Variants in CCAR1 observed in about 807,000 individuals in gnomAD.
The protein encoded by CCAR1 is cell division cycle and apoptosis regulator 1.
In CCAR1, 78 loss-of-function variants were observed where a neutral mutation model predicts 163.8. The observed-to-expected ratio is 0.48, with a 90% CI of 0.40 to 0.57. CCAR1 has a LOEUF of 0.57. CCAR1 is among the 20% of genes least tolerant of loss of function. The pLI, the probability that CCAR1 is intolerant of heterozygous loss-of-function variation, is 0.00. For synonymous variants in CCAR1, 443 were observed against 460.7 expected, an observed-to-expected ratio of 0.96 and a Z score of 0.49; for missense variants, 1,019 against 1,365.2, an observed-to-expected ratio of 0.75 and a Z score of 4.00.
At chr10:68,750,565 G>A (rs181395837) in intron 10 of CCAR1, among the ~76,000 whole-genome samples, 10 of 152,244 alleles carry the variant, frequency 6.6e-5, no homozygotes, top group Non-Finnish European at 1.2e-4. Flanking sequence ...CAAAACAAAG[G>A]TAATATTAAC....
At chr10:68,740,888 TTTATTTA>T (rs2056174557) in intron 5 of CCAR1, among the ~76,000 whole-genome samples, 2 of 116,384 alleles carry the variant, frequency 1.7e-5, no homozygotes, top group Non-Finnish European at 3.6e-5. Flanking sequence ...TTTTATTTTA[TTTATTTA>T]TTTATTTATT....
intron 1 of CCAR1, among the ~76,000 whole-genome samples, chr10:68,722,023 G>A (rs2055866593): frequency 6.6e-6 from 1 of 152,092 alleles, no homozygotes; most frequent in Admixed American, 6.6e-5. Flanking sequence ...CTGTGATGGG[G>A]GTCTTGTCCC....
chr10:68,790,974 A>G (rs2056846311), intron 24 of CCAR1, among the ~76,000 whole-genome samples: 1 of 148,794 alleles, frequency 6.7e-6, no homozygotes, highest in Non-Finnish European at 1.5e-5. Context: ...CTGAGATTAC[A>G]GTCATGAGCC....
At chr10:68,786,239 T>G (rs1266998143) in intron 20 of CCAR1, 21 bp downstream of exon 20, 2 of 1,457,228 alleles carry the variant, frequency 1.4e-6, no homozygotes, top group Non-Finnish European at 1.9e-6. Flanking sequence ...AATACTGTAT[T>G]CTTTATAATA....
chr10:68,723,043 C>G (rs10998401), intron 2 of CCAR1, among the ~76,000 whole-genome samples: 5,686 of 152,074 alleles, frequency 0.037, 280 homozygotes, highest in East Asian at 0.25. Flanking sequence ...CATAGATCAA[C>G]TAACAAGCTG....
At chr10:68,778,180 C>T (rs575368945) in intron 19 of CCAR1, among the ~76,000 whole-genome samples, 5 of 152,246 alleles carry the variant, frequency 3.3e-5, no homozygotes, top group African/African-American at 9.6e-5. Flanking sequence ...TGTGCCACTA[C>T]GTTCCAGCCT....
chr10:68,782,701 G>A (rs1409471707), intron 19 of CCAR1, among the ~76,000 whole-genome samples: 3 of 152,082 alleles, frequency 2.0e-5, no homozygotes, highest in African/African-American at 4.8e-5. Flanking sequence ...TAAAAATTAT[G>A]CTAAACCTAC....
chr10:68,774,740 C>T (rs139420282), intron 19 of CCAR1, among the ~76,000 whole-genome samples: 6 of 152,120 alleles, frequency 3.9e-5, no homozygotes, highest in Non-Finnish European at 7.4e-5. Flanking sequence ...ATATACCTTT[C>T]GCCTAAGTTT....
intron 4 of CCAR1, among the ~76,000 whole-genome samples, chr10:68,739,109 TAC>T (rs1157308988): frequency 2.0e-5 from 3 of 152,194 alleles, no homozygotes; most frequent in Admixed American, 6.5e-5. Context: ...CTTGCTGAAA[TAC>T]AGATATGCTT....
At chr10:68,778,062 C>G (rs1249645308) in intron 19 of CCAR1, among the ~76,000 whole-genome samples, 4 of 151,564 alleles carry the variant, frequency 2.6e-5, no homozygotes, top group African/African-American at 9.7e-5. Flanking sequence ...GCTAAAAATA[C>G]AAAATTAGCT....
At chr10:68,723,288 A>ATTT (rs71474434) in intron 2 of CCAR1, among the ~76,000 whole-genome samples, 13 of 138,498 alleles carry the variant, frequency 9.4e-5, no homozygotes, top group South Asian at 4.7e-4. Flanking sequence ...CGCCCGGCTA[A>ATTT]TTTTTTTTTT....
intron 2 of CCAR1, among the ~76,000 whole-genome samples, chr10:68,728,445 A>C (rs2133302610): frequency 6.6e-6 from 1 of 151,906 alleles, no homozygotes; most frequent in Admixed American, 6.6e-5. Context: ...TTCTGCCTTC[A>C]AGGGATCACT....
At chr10:68,722,003 C>G (rs1589148304) in intron 1 of CCAR1, among the ~76,000 whole-genome samples, 1 of 152,102 alleles carries the variant, frequency 6.6e-6, no homozygotes, top group African/African-American at 2.4e-5. Context: ...TAAATGATAT[C>G]TTTAAATACC....
Position 68,788,009 on chromosome 10 carries a change from A to G in CCAR1, c.2963A>G (p.Asn988Ser), listed in dbSNP as rs2133438809. 1 of 1,612,712 alleles carries G rather than the reference A, an allele frequency of 6.2e-7. No individual in the cohort carries two copies. Among genetic ancestry groups the G allele is most frequent in the East Asian group, 2.2e-5 (1 of 44,826 alleles). ...ACAGACACCTCAAAAGATGAAGAGA[A>G]CCATGAAGAGTCTGAGTCATTGCAG... ...KLTDTSKDEE[N>S]HEESESLQED... The change falls in exon 22 of 25, where the codon AAC (asparagine) becomes AGC (serine). Residue 988 changes from asparagine (N) to serine (S), a missense_variant. By Grantham distance (46) the Asn-to-Ser change is conservative. Coordinates refer to ENST00000265872, the MANE Select transcript of CCAR1 (RefSeq NM_018237.4).
At chr10:68,744,000 C>T (rs1169958903) in intron 6 of CCAR1, among the ~76,000 whole-genome samples, 2 of 152,106 alleles carry the variant, frequency 1.3e-5, no homozygotes, top group Non-Finnish European at 2.9e-5. Context: ...CCACCTGCCT[C>T]GGCCTCCTAA....
At position 68,765,845 on chromosome 10, in the gene CCAR1, C is replaced by T. The variant is rs1336286042; in HGVS notation, c.2107-43C>T. ...TTCATCTTGCACATGTATATACATC[C>T]TACTTGCAGATTTAACCTTGACTTG... On this transcript the variant is annotated intron_variant, in intron 16 of 24. Coordinates refer to ENST00000265872, the MANE Select transcript of CCAR1 (RefSeq NM_018237.4). 2 of 1,387,206 alleles carry T rather than the reference C, an allele frequency of 1.4e-6. 1 individual carries two copies. Among genetic ancestry groups the T allele is most frequent in the South Asian group, 2.5e-5 (2 of 81,622 alleles). 85.9% of individuals were successfully genotyped at this position (1,387,206 alleles called of 1,614,324 possible).
Position 68,737,865 on chromosome 10 carries a change from G to C in CCAR1, c.267G>C (p.Gln89His), listed in dbSNP as rs566870328. The C allele has an allele frequency of 6.3e-7, 1 of 1,594,150 alleles. No homozygotes were observed. The highest frequency in any genetic ancestry group is 1.2e-5 in the South Asian group (1 of 86,762). The change falls in exon 4 of 25, where the codon CAG becomes CAC. Residue 89 changes from glutamine (Q) to histidine (H), a missense_variant. By Grantham distance (24) the Gln-to-His change is conservative. Around this residue, in one of 4 missense-constraint regions of CCAR1, gnomAD observed 644 missense variants for 904.4 expected, o/e 0.71. Coordinates refer to ENST00000265872, the MANE Select transcript of CCAR1 (RefSeq NM_018237.4). ...TTCAGCAATATTCACAACCTCAGCA[G>C]GCCCTGTATAGTGTGCAACAACAGG... ...ALQQQYSQPQ[Q>H]ALYSVQQQLQ...
intron 16 of CCAR1, among the ~76,000 whole-genome samples, chr10:68,764,012 A>G (rs965717684): frequency 2.0e-5 from 3 of 152,112 alleles, no homozygotes; most frequent in East Asian, 1.9e-4. Flanking sequence ...GCTGCTCCCA[A>G]CCCCTTTCAG....
chr10:68,721,457 G>A (rs2275935), intron 1 of CCAR1, 175 bp downstream of exon 1: 43,035 of 351,240 alleles, frequency 0.12, 3,065 homozygotes, highest in South Asian at 0.15. Flanking sequence ...CTTTTGTGCG[G>A]GTCGGAGCAG....
Sources: gnomAD v4.1 joint callset for allele counts (sites outside exome capture counted in the v4.1 genomes callset) on GRCh38, gnomAD v4.1.1 for gene constraint, gnomAD v4.1.1 regional missense constraint, MANE v1.5 for transcripts, NCBI Gene and HGNC (gene_info 2026-07-23, HGNC 2026-07-21) for gene names.